The following NEGR1 variants were observed in gnomAD, a reference collection of about 807,000 sequenced individuals.
NEGR1 encodes the protein IgLON family member 4.
Under a neutral mutation model 40.9 loss-of-function variants are expected in NEGR1, and 10 were observed. The observed-to-expected ratio is 0.24, with a 90% confidence interval of 0.15 to 0.42. The LOEUF (loss-of-function observed/expected upper bound fraction) is 0.42. NEGR1 is among the 10% of genes least tolerant of loss of function. NEGR1 has a pLI of 1.00. For synonymous variants in NEGR1, 185 were observed against 166.8 expected (o/e 1.11, Z -0.84); for missense variants, 352 against 438.9 (o/e 0.80, Z 1.77).
intron 3 of NEGR1, among the ~76,000 whole-genome samples, chr1:71,747,410 G>T (rs1412816941): frequency 6.6e-6 from 1 of 151,510 alleles, no homozygotes; most frequent in Non-Finnish European, 1.5e-5. Context: ...TAGCCATGTG[G>T]TGAAAACTTC....
chr1:71,710,492 T>A (rs148312339), intron 3 of NEGR1, among the ~76,000 whole-genome samples: 1 of 152,274 alleles, frequency 6.6e-6, no homozygotes, highest in East Asian at 1.9e-4. Context: ...CATCAACAGA[T>A]GAATGGATAA....
chr1:72,130,316 T>C (rs1650196588), intron 1 of NEGR1, among the ~76,000 whole-genome samples: 1 of 152,132 alleles, frequency 6.6e-6, no homozygotes, highest in Non-Finnish European at 1.5e-5. Flanking sequence ...CACTGAAATA[T>C]CAACCAGGTT....
At chr1:71,504,608 AC>A (rs923808320) in intron 6 of NEGR1, among the ~76,000 whole-genome samples, 9 of 152,186 alleles carry the variant, frequency 5.9e-5, no homozygotes, top group African/African-American at 1.9e-4. Context: ...TCCCACCAGG[AC>A]TTTTAATAAA....
chr1:71,660,136 A>G (rs1352936137), intron 4 of NEGR1, among the ~76,000 whole-genome samples: 5 of 152,364 alleles, frequency 3.3e-5, no homozygotes, highest in African/African-American at 1.2e-4. Context: ...ATGGAACACT[A>G]TGCAGTCATA....
At chr1:72,141,395 T>TA (rs1650671802) in intron 1 of NEGR1, among the ~76,000 whole-genome samples, 1 of 151,986 alleles carries the variant, frequency 6.6e-6, no homozygotes, top group Non-Finnish European at 1.5e-5. Context: ...GGAACTAGAA[T>TA]AAAAAATACC....
At chr1:71,585,505 T>G (rs1274216246) in intron 6 of NEGR1, among the ~76,000 whole-genome samples, 1 of 152,062 alleles carries the variant, frequency 6.6e-6, no homozygotes, top group Admixed American at 6.6e-5. Context: ...CAAGCCATAT[T>G]TCAAGGCTGA....
intron 1 of NEGR1, among the ~76,000 whole-genome samples, chr1:72,136,172 A>C (rs1024085553): frequency 6.6e-6 from 1 of 152,188 alleles, no homozygotes; most frequent in African/African-American, 2.4e-5. Flanking sequence ...AAAATATATC[A>C]ATCAAAATTG....
At chr1:71,438,133 G>A (rs1646521500) in intron 6 of NEGR1, among the ~76,000 whole-genome samples, 1 of 152,300 alleles carries the variant, frequency 6.6e-6, no homozygotes, top group South Asian at 2.1e-4. Context: ...CATGTAAACT[G>A]TTTGGATGGC....
intron 6 of NEGR1, among the ~76,000 whole-genome samples, chr1:71,435,223 G>A (rs543626235): frequency 2.0e-5 from 3 of 152,266 alleles, no homozygotes; most frequent in Admixed American, 6.5e-5. Flanking sequence ...TTTTATGTGG[G>A]TGCAGGCCTT....
intron 1 of NEGR1, among the ~76,000 whole-genome samples, chr1:71,977,466 A>G (rs1646315493): frequency 6.6e-6 from 1 of 152,222 alleles, no homozygotes; most frequent in East Asian, 1.9e-4. Flanking sequence ...TCTCTGCTTG[A>G]AGAAAATCTA....
rs187604215 is a variant in NEGR1, at chr1:71,520,802, G to A, written c.940+72015C>T. 2.0e-5 allele frequency among the ~76,000 whole-genome samples: 3 copies of A among 152,106 alleles called. No homozygotes were observed. The East Asian group carries it at 5.8e-4, about 30-fold the overall frequency. On this transcript the variant is annotated intron_variant, in intron 6 of 6. Coordinates refer to ENST00000357731, the MANE Select transcript of NEGR1 (RefSeq NM_173808.3). ...GGCTGGGGCAGGGAAAGACAATACAGGAGAGCAGATGGAGAAAATGGGAAG... is the reference window on the plus strand; with the variant it reads ...GGCTGGGGCAGGGAAAGACAATACAAGAGAGCAGATGGAGAAAATGGGAAG...
intron 1 of NEGR1, among the ~76,000 whole-genome samples, chr1:72,158,667 T>C (rs1347286877): frequency 6.6e-6 from 1 of 152,226 alleles, no homozygotes; most frequent in African/African-American, 2.4e-5. Context: ...CACAGAGTTA[T>C]CTATATAGAC....
chr1:71,701,508 T>G (rs1289804628), intron 3 of NEGR1, among the ~76,000 whole-genome samples: 1 of 152,134 alleles, frequency 6.6e-6, no homozygotes, highest in South Asian at 2.1e-4. Context: ...TACTGTTTTC[T>G]TCTTTCACTT....
At chr1:71,705,653 G>A (rs1653863624) in intron 3 of NEGR1, among the ~76,000 whole-genome samples, 1 of 152,134 alleles carries the variant, frequency 6.6e-6, no homozygotes, top group Admixed American at 6.5e-5. Flanking sequence ...CCAGGAGGCA[G>A]AGCTTGCAAC....
intron 4 of NEGR1, among the ~76,000 whole-genome samples, chr1:71,673,672 A>G (rs1361924956): frequency 6.6e-6 from 1 of 152,202 alleles, no homozygotes; most frequent in Non-Finnish European, 1.5e-5. Flanking sequence ...TTTAGTCCCA[A>G]ATAATCTGTT....
chr1:72,152,627 T>A (rs1651166303), intron 1 of NEGR1, among the ~76,000 whole-genome samples: 1 of 151,932 alleles, frequency 6.6e-6, no homozygotes, highest in South Asian at 2.1e-4. Context: ...CTACTCGGAA[T>A]TATATACCCA....
At chr1:72,245,360 T>G (rs936967186) in intron 1 of NEGR1, among the ~76,000 whole-genome samples, 3 of 152,080 alleles carry the variant, frequency 2.0e-5, no homozygotes, top group Non-Finnish European at 2.9e-5. Flanking sequence ...TCCAAAAGAT[T>G]TATAATACTA....
chr1:71,967,193 T>A (rs1210016273), intron 1 of NEGR1, among the ~76,000 whole-genome samples: 1 of 152,118 alleles, frequency 6.6e-6, no homozygotes, highest in Non-Finnish European at 1.5e-5. Context: ...GATGCACTTA[T>A]GAAAAAATAA....
intron 6 of NEGR1, among the ~76,000 whole-genome samples, chr1:71,435,598 G>A (rs1454252065): frequency 6.6e-6 from 1 of 152,124 alleles, no homozygotes; most frequent in Non-Finnish European, 1.5e-5. Context: ...TTTAAAGCAG[G>A]AAAGGATAGG....
Sources: gnomAD v4.1 joint callset for allele counts (sites outside exome capture counted in the v4.1 genomes callset) on GRCh38, gnomAD v4.1.1 for gene constraint, MANE v1.5 for transcripts, NCBI Gene and HGNC (gene_info 2026-07-23, HGNC 2026-07-21) for gene names.